PIGL: variants seen among roughly 807,000 people sequenced by gnomAD.
The protein encoded by PIGL is N-acetylglucosaminyl-phosphatidylinositol de-N-acetylase.
PIGL carries 22 observed loss-of-function variants against 31.1 expected under a neutral mutation model. The ratio of observed to expected loss-of-function variants is 0.71; its 90% CI spans 0.51 to 1.01. PIGL has a LOEUF of 1.01. Ranked by LOEUF, PIGL falls within the 50% of genes least tolerant of loss-of-function variation. The pLI is 0.00. For synonymous variants in PIGL, 131 were observed against 117.4 expected, an observed-to-expected ratio of 1.12 and a Z score of -0.75; for missense variants, 302 against 315.9, an observed-to-expected ratio of 0.96 and a Z score of 0.33.
chr17:16,306,522 CTTTTTTTTTTTTT>C (rs34479966), intron 3 of PIGL, among the ~76,000 whole-genome samples: 1 of 113,672 alleles, frequency 8.8e-6, no homozygotes, highest in African/African-American at 3.2e-5. Flanking sequence ...GTTATACGAT[CTTTTTTTTTTTTT>C]TTTTTTTCTT....
chr17:16,218,368 A>G (rs981518229), intron 1 of PIGL: 1 of 152,178 alleles, frequency 6.6e-6, no homozygotes, highest in African/African-American at 2.4e-5. Flanking sequence ...TTTATGTGCT[A>G]GGCCTTATTC....
intron 2 of PIGL, among the ~76,000 whole-genome samples, chr17:16,276,485 C>T (rs754744038): frequency 6.6e-6 from 1 of 152,162 alleles, no homozygotes; most frequent in Non-Finnish European, 1.5e-5. Flanking sequence ...ATAATCCCAG[C>T]ACTTTGGGAG....
At chr17:16,245,319 A>T (rs62072551) in intron 2 of PIGL, among the ~76,000 whole-genome samples, 2 of 150,334 alleles carry the variant, frequency 1.3e-5, no homozygotes, top group South Asian at 4.2e-4. Context: ...TAGAGACGGG[A>T]TTTTGCCGTG....
intron 6 of PIGL, among the ~76,000 whole-genome samples, chr17:16,319,921 T>G (rs2142875723): frequency 6.6e-6 from 1 of 151,914 alleles, no homozygotes; most frequent in Non-Finnish European, 1.5e-5. Flanking sequence ...GGAGAATTAT[T>G]CCTCAGTTTG....
In PIGL at chr17:16,217,301, A is replaced by C. The variant is rs766413777; in HGVS notation, c.75A>C (p.Ser25=). Residue 25 remains serine (S), a synonymous_variant, in exon 1 of 7, where the codon TCA becomes TCC. Transcript: ENST00000225609. ...AWGFLWVWDS[S]ERMKSREQGG... The stretch of plus-strand genomic sequence containing the variant: ...GCTTCCTCTGGGTTTGGGACTCCTC[A>C]GAACGAATGAAGAGTCGGGAGCAGG... 25 of 1,614,222 alleles carry C rather than the reference A, an allele frequency of 1.5e-5. No individual in the cohort carries two copies. The highest frequency in any genetic ancestry group is 2.0e-5 in the Non-Finnish European group (24 of 1,180,042).
chr17:16,278,070 T>C (rs2092902828), intron 2 of PIGL, among the ~76,000 whole-genome samples: 1 of 150,642 alleles, frequency 6.6e-6, no homozygotes, highest in Non-Finnish European at 1.5e-5. Flanking sequence ...TTTTTTTTTT[T>C]TTTGAGACAG....
Position 16,258,802 on chromosome 17 carries a change from G to C in PIGL, c.335+24732G>C, listed in dbSNP as rs2092807871. Among the ~76,000 whole-genome samples, 2 of 152,242 alleles carry C rather than the reference G, an allele frequency of 1.3e-5. 1 individual carries two copies. The highest frequency in any genetic ancestry group is 1.3e-4 in the Admixed American group (2 of 15,264). Reference sequence around the variant, plus strand: ...AGGTGTGAGCCACCACGTCCAGCCTGGAAGTAGACATTTTTTTATTAACCA... The same window carrying C: ...AGGTGTGAGCCACCACGTCCAGCCTCGAAGTAGACATTTTTTTATTAACCA... On this transcript the variant is annotated intron_variant, in intron 2 of 6. Coordinates refer to ENST00000225609, the MANE Select transcript of PIGL (RefSeq NM_004278.4).
chr17:16,272,928 G>C (rs187511673), intron 2 of PIGL, among the ~76,000 whole-genome samples: 1 of 152,282 alleles, frequency 6.6e-6, no homozygotes, highest in Non-Finnish European at 1.5e-5. Context: ...ACAAAAAACT[G>C]GTGCCCCACT....
chr17:16,319,816 G>A (rs1472126115), intron 6 of PIGL, among the ~76,000 whole-genome samples: 1 of 151,860 alleles, frequency 6.6e-6, no homozygotes, highest in African/African-American at 2.4e-5. Flanking sequence ...GGGTGAGGAA[G>A]AGCTAGGCCA....
Position 16,301,134 on chromosome 17 carries a change from C to T in PIGL, c.426+1156C>T, listed in dbSNP as rs1433096516. Among the ~76,000 whole-genome samples, 5 of 148,800 alleles carry T rather than the reference C, an allele frequency of 3.4e-5. No homozygotes were observed. The East Asian group carries it at 9.8e-4, about 29-fold the overall frequency. Reference sequence around the variant, plus strand: ...CCTGCTGGCAGAGAAACATATTAGGCTTTTTTTTTTAATTTTTTTTTTTTA... The same window carrying T: ...CCTGCTGGCAGAGAAACATATTAGGTTTTTTTTTTTAATTTTTTTTTTTTA... On this transcript the variant is annotated intron_variant, in intron 3 of 6. Transcript: ENST00000225609.
At chr17:16,271,806 A>G (rs2092874204) in intron 2 of PIGL, among the ~76,000 whole-genome samples, 1 of 152,244 alleles carries the variant, frequency 6.6e-6, no homozygotes, top group South Asian at 2.1e-4. Flanking sequence ...CTGGGATTAC[A>G]GGCGTGAACC....
At chr17:16,292,538 A>T (rs1255915838) in intron 2 of PIGL, among the ~76,000 whole-genome samples, 1 of 152,198 alleles carries the variant, frequency 6.6e-6, no homozygotes, top group Non-Finnish European at 1.5e-5. Context: ...TACATTTATG[A>T]TTTTATCACA....
intron 5 of PIGL, chr17:16,317,331 G>A (rs1245385639): frequency 1.0e-6 from 1 of 978,274 alleles, no homozygotes; most frequent in Non-Finnish European, 1.2e-6. Context: ...AATCCTGTGA[G>A]ACAGGCAGGT....
intron 1 of PIGL, among the ~76,000 whole-genome samples, chr17:16,233,183 G>T (rs1237570223): frequency 1.3e-5 from 2 of 152,012 alleles, no homozygotes; most frequent in Non-Finnish European, 2.9e-5. Context: ...TAAGTAACTT[G>T]CACAAATCAG....
intron 1 of PIGL, among the ~76,000 whole-genome samples, chr17:16,228,548 C>T (rs1037523961): frequency 5.9e-5 from 9 of 152,166 alleles, no homozygotes; most frequent in Non-Finnish European, 7.4e-5. Context: ...GCCACCACGC[C>T]CGGCTAATTT....
At chr17:16,234,117 C>A in intron 2 of PIGL, 47 bp downstream of exon 2, 1 of 1,031,048 alleles carries the variant, frequency 9.7e-7, no homozygotes. Context: ...AATAAATATG[C>A]AGTGATATAC....
At chr17:16,310,231 C>T (rs1017756931) in intron 3 of PIGL, among the ~76,000 whole-genome samples, 1 of 151,892 alleles carries the variant, frequency 6.6e-6, no homozygotes, top group African/African-American at 2.4e-5. Flanking sequence ...AATTGAGGCT[C>T]ATGGTGGTAA....
rs927936781 is a variant in PIGL, at chr17:16,318,929, C to CA, written c.660+1031dup. Among the ~76,000 whole-genome samples the CA allele has an allele frequency of 1.3e-3, 176 of 135,224 alleles. 1 individual carries two copies. The highest frequency in any genetic ancestry group is 1.4e-3 in the Non-Finnish European group (90 of 62,756). 88.7% of individuals were successfully genotyped at this position (135,224 alleles called of 152,430 possible). Reference sequence around the variant, plus strand: ...CTGGGTGACAGAGAGGATTCTGTCTCAAAAAAAAAACAACAAAAAACCTGC... The same window carrying CA: ...CTGGGTGACAGAGAGGATTCTGTCTCAAAAAAAAAAACAACAAAAAACCTGC... On this transcript the variant is annotated intron_variant, in intron 6 of 6. Coordinates refer to ENST00000225609, the MANE Select transcript of PIGL (RefSeq NM_004278.4).
intron 2 of PIGL, among the ~76,000 whole-genome samples, chr17:16,260,535 C>T (rs1010221515): frequency 1.3e-4 from 20 of 152,232 alleles, no homozygotes; most frequent in South Asian, 6.2e-4. Flanking sequence ...GATTTGCCTG[C>T]GAATAGGAGC....
Sources: gnomAD v4.1 joint callset for allele counts (sites outside exome capture counted in the v4.1 genomes callset) on GRCh38, gnomAD v4.1.1 for gene constraint, MANE v1.5 for transcripts, NCBI Gene and HGNC (gene_info 2026-07-23, HGNC 2026-07-21) for gene names.